Variants in DUSP22 observed in about 807,000 individuals in gnomAD.
DUSP22 encodes the protein dual specificity protein phosphatase 22.
DUSP22 carries 24 observed loss-of-function variants against 24.5 expected under a neutral mutation model. The observed-to-expected ratio is 0.98, with a 90% CI of 0.71 to 1.38. The LOEUF (loss-of-function observed/expected upper bound fraction) is 1.38. Among genes scored for constraint, DUSP22 ranks in the 40% most tolerant of loss-of-function variants. The pLI is 0.00. For missense variants in DUSP22, 330 were observed against 269.2 expected (o/e 1.23, Z -1.58); for synonymous variants, 160 against 106.4 (o/e 1.50, Z -3.10).
rs771934158 is a variant in DUSP22, at chr6:348,830, A to G, written c.497A>G (p.Lys166Arg). The G allele has an allele frequency of 1.9e-6, 3 of 1,614,194 alleles. No homozygotes were observed. The highest frequency in any genetic ancestry group is 1.1e-5 in the South Asian group (1 of 91,096). The stretch of plus-strand genomic sequence containing the variant: ...CCTTTGCAGGATGCAGAAGAAGCCA[A>G]AAACATTCTGGGTAAATATAAGGAG... ...ESPLQDAEEA[K>R]NILGKYKEQG... is the part of the protein sequence containing the mutation. The change falls in exon 7 of 7, where the codon AAA (lysine) becomes AGA (arginine). Residue 166 changes from lysine (K) to arginine (R), a missense_variant. Lys to Arg is a conservative substitution (Grantham distance 26). Transcript: ENST00000419235.
rs907916724 is a variant in DUSP22, at chr6:319,660, C to T, written c.138+7698C>T. On this transcript the variant is annotated intron_variant, in intron 3 of 6. Transcript: ENST00000419235. Reference sequence around the variant, plus strand: ...GCGTGGGTGAATTCAGCTATCTTACCGAAAAACACTGTGGGTGTCAAGTTG... The same window carrying T: ...GCGTGGGTGAATTCAGCTATCTTACTGAAAAACACTGTGGGTGTCAAGTTG... 9.8e-5 allele frequency among the ~76,000 whole-genome samples: 15 copies of T among 152,416 alleles called. No individual in the cohort carries two copies. The East Asian group carries it at 1.3e-3, about 14-fold the overall frequency.
chr6:349,082 CCCCCAAGCAACACCG>C lies in DUSP22; in HGVS notation c.*135_*149del. On this transcript the variant is annotated 3_prime_UTR_variant, in exon 7 of 7. Coordinates refer to ENST00000419235, the MANE Select transcript of DUSP22 (RefSeq NM_001286555.3). Reference sequence around the variant, plus strand: ...GGGCGAGGTGGGGCGAGGGCTCCTTCCCCCAAGCAACACCGCCCAGCCCTGCTCCAGGCCCCTGCA... The same window carrying C: ...GGGCGAGGTGGGGCGAGGGCTCCTTCCCCAGCCCTGCTCCAGGCCCCTGCA... The C allele has an allele frequency of 6.8e-7, 1 of 1,470,142 alleles. No homozygotes were observed. The highest frequency in any genetic ancestry group is 9.0e-7 in the Non-Finnish European group (1 of 1,112,556). 91.1% of individuals were successfully genotyped at this position (1,470,142 alleles called of 1,614,324 possible).
chr6:349,186 T>A lies in DUSP22; in HGVS notation c.*235T>A. Reference sequence around the variant, plus strand: ...GCCCCTGGGGATGTTGCCCAGTGGCTGTGCACTGCTCTGTGCACGTGCGTG... The same window carrying A: ...GCCCCTGGGGATGTTGCCCAGTGGCAGTGCACTGCTCTGTGCACGTGCGTG... On this transcript the variant is annotated 3_prime_UTR_variant, in exon 7 of 7. Transcript: ENST00000419235. 1 of 1,424,280 alleles carries A rather than the reference T, an allele frequency of 7.0e-7. No individual in the cohort carries two copies. The highest frequency in any genetic ancestry group is 9.1e-7 in the Non-Finnish European group (1 of 1,093,534). The allele number at this position is 1,424,280 out of a possible 1,614,324, so 88.2% of individuals were successfully genotyped here. A position where few individuals can be genotyped will look rare whatever the true frequency, so the allele number is the denominator to read the frequency against.
intron 4 of DUSP22, among the ~76,000 whole-genome samples, chr6:339,422 A>C (rs905020708): frequency 6.6e-6 from 1 of 152,306 alleles, no homozygotes; most frequent in African/African-American, 2.4e-5. Flanking sequence ...TATTCAAGTA[A>C]AGAGTATTAA....
Position 349,863 on chromosome 6 carries a change from G to C in DUSP22, c.*912G>C, listed in dbSNP as rs1431986546. Reference sequence around the variant, plus strand: ...GGTGGGCAGGCGCACTTTAGCCTAAGTTGGGTGCCCCAGGGCACCCCCTCC... The same window carrying C: ...GGTGGGCAGGCGCACTTTAGCCTAACTTGGGTGCCCCAGGGCACCCCCTCC... On this transcript the variant is annotated 3_prime_UTR_variant, in exon 7 of 7. Transcript: ENST00000419235. 1 of 985,900 alleles carries C rather than the reference G, an allele frequency of 1.0e-6. No individual in the cohort carries two copies. The highest frequency in any genetic ancestry group is 1.2e-6 in the Non-Finnish European group (1 of 830,358). 61.1% of individuals were successfully genotyped at this position (985,900 alleles called of 1,614,324 possible). A position where few individuals can be genotyped will look rare whatever the true frequency, so the allele number is the denominator to read the frequency against.
At chr6:294,018 G>C (rs12194879) in intron 1 of DUSP22, among the ~76,000 whole-genome samples, 20,572 of 148,472 alleles carry the variant, frequency 0.14, 250 homozygotes, top group African/African-American at 0.19. Flanking sequence ...TCCTTTGGCT[G>C]TTTCTAGTTT....
intron 1 of DUSP22, among the ~76,000 whole-genome samples, chr6:294,074 A>G (rs955505981): frequency 5.3e-5 from 8 of 152,290 alleles, no homozygotes; most frequent in Non-Finnish European, 1.5e-5. Flanking sequence ...CATTTAATTT[A>G]TAGTATTTGT....
chr6:324,981 G>C (rs1361252528), intron 3 of DUSP22, among the ~76,000 whole-genome samples: 4 of 152,304 alleles, frequency 2.6e-5, no homozygotes, highest in Non-Finnish European at 5.9e-5. Context: ...GCCGCATCCT[G>C]CCGGGAAGGG....
intron 4 of DUSP22, chr6:338,023 C>G (rs972825238): frequency 6.6e-6 from 1 of 152,624 alleles, no homozygotes; most frequent in African/African-American, 2.4e-5. Flanking sequence ...AGTGAAGCTA[C>G]GACAGTAAGA....
chr6:318,246 T>C (rs1304254517), intron 3 of DUSP22, among the ~76,000 whole-genome samples: 1 of 152,298 alleles, frequency 6.6e-6, no homozygotes, highest in Non-Finnish European at 1.5e-5. Context: ...GGACCATGCA[T>C]CCAAGACACA....
rs1458716812 is a variant in DUSP22, at chr6:349,610, C to T, written c.*659C>T. 5 of 987,148 alleles carry T rather than the reference C, an allele frequency of 5.1e-6. No homozygotes were observed. Among genetic ancestry groups the T allele is most frequent in the Non-Finnish European group, 6.0e-6 (5 of 831,366 alleles). The allele number at this position is 987,148 out of a possible 1,614,324, so 61.1% of individuals were successfully genotyped here. ...CCAGACTCCTCTAGAGGGAGGGTGG[C>T]TCTGGGGCCCTGGAAAACGTGAGAG... On this transcript the variant is annotated 3_prime_UTR_variant, in exon 7 of 7. Transcript: ENST00000419235.
chr6:348,520 C>T, intron 6 of DUSP22: 2 of 864,076 alleles, frequency 2.3e-6, no homozygotes, highest in Non-Finnish European at 3.5e-6. Flanking sequence ...GTTTGTTTCT[C>T]TCCCTTTGGG....
chr6:331,581 A>G (rs1363723409), intron 3 of DUSP22, among the ~76,000 whole-genome samples: 2 of 152,306 alleles, frequency 1.3e-5, no homozygotes, highest in African/African-American at 2.4e-5. Flanking sequence ...ATCACATTAA[A>G]ACATTTGCAG....
chr6:294,513 T>G (rs959278770), intron 1 of DUSP22, among the ~76,000 whole-genome samples: 1 of 152,288 alleles, frequency 6.6e-6, no homozygotes, highest in Admixed American at 6.5e-5. Context: ...GAAATTAATT[T>G]TAATAATATA....
chr6:322,770 G>T (rs1758659306), intron 3 of DUSP22, among the ~76,000 whole-genome samples: 1 of 152,158 alleles, frequency 6.6e-6, no homozygotes, highest in Non-Finnish European at 1.5e-5. Context: ...CATCATGGTG[G>T]TGGTGGTGAT....
At position 349,272 on chromosome 6, in the gene DUSP22, A is replaced by T; in HGVS notation, c.*321A>T. The T allele has an allele frequency of 7.6e-7, 1 of 1,311,688 alleles. No homozygotes were observed. Among genetic ancestry groups the T allele is most frequent in the Non-Finnish European group, 9.8e-7 (1 of 1,024,504 alleles). 81.3% of individuals were successfully genotyped at this position (1,311,688 alleles called of 1,614,324 possible). On this transcript the variant is annotated 3_prime_UTR_variant, in exon 7 of 7. Transcript: ENST00000419235. ...ATGCATGTGTGTGCCTGTGTGAGTGAGGGTATGTGCACCTAAGTGTGTACA... is the reference window on the plus strand; with the variant it reads ...ATGCATGTGTGTGCCTGTGTGAGTGTGGGTATGTGCACCTAAGTGTGTACA...
intron 3 of DUSP22, among the ~76,000 whole-genome samples, chr6:323,000 G>C (rs578238813): frequency 2.0e-5 from 3 of 152,422 alleles, no homozygotes; most frequent in Admixed American, 1.3e-4. Flanking sequence ...AAGCAAATCT[G>C]CTGTTTTCAG....
chr6:295,286 A>G (rs1166566500), intron 1 of DUSP22, among the ~76,000 whole-genome samples: 1 of 152,304 alleles, frequency 6.6e-6, no homozygotes, highest in Non-Finnish European at 1.5e-5. Flanking sequence ...TGGTCTAAAC[A>G]GTGCACGCTG....
chr6:324,474 A>G (rs964718475), intron 3 of DUSP22, among the ~76,000 whole-genome samples: 6 of 152,304 alleles, frequency 3.9e-5, no homozygotes, highest in African/African-American at 1.4e-4. Context: ...TGCATAACAG[A>G]GGGGTGTCCC....
Sources: allele counts gnomAD v4.1 joint callset (sites outside exome capture counted in the v4.1 genomes callset), GRCh38; gene constraint gnomAD v4.1.1; transcripts MANE v1.5; gene names NCBI Gene and HGNC (gene_info 2026-07-23, HGNC 2026-07-21).